GLRX3: variants seen among roughly 807,000 people sequenced by gnomAD.
GLRX3 encodes the protein glutaredoxin-3.
In GLRX3, 22 loss-of-function variants were observed where a neutral mutation model predicts 49.5. The ratio of observed to expected loss-of-function variants is 0.44; its 90% CI spans 0.32 to 0.63. The LOEUF is 0.63. GLRX3 is among the 30% of genes least tolerant of loss of function. GLRX3 has a pLI of 0.05. For missense variants in GLRX3, 385 were observed against 396.3 expected, an observed-to-expected ratio of 0.97 and a Z score of 0.24; for synonymous variants, 133 against 140.0, an observed-to-expected ratio of 0.95 and a Z score of 0.35.
At position 130,160,073 on chromosome 10, in the gene GLRX3, A is replaced by AG. The variant is rs764088598; in HGVS notation, c.276+6dup. On this transcript the variant is annotated splice_donor_region_variant and intron_variant, in intron 3 of 10. Transcript: ENST00000331244. ...TCCCACTTTTCTGTTTTTCAAGGTA[A>AG]GGATAAAGGTGGTACAAGAGATTAT... 9.6e-6 allele frequency: 15 copies of AG among 1,561,610 alleles called. No homozygotes were observed. In the African/African-American group the frequency reaches 2.0e-4, roughly 21 times the overall value.
At chr10:130,156,966 T>C (rs1590064743) in intron 2 of GLRX3, among the ~76,000 whole-genome samples, 1 of 152,314 alleles carries the variant, frequency 6.6e-6, no homozygotes, top group African/African-American at 2.4e-5. Context: ...AACCATAGTA[T>C]AGTGAAAAAA....
rs111482769 is a variant in GLRX3 at position 130,173,982 on chromosome 10, A to G, written c.825-885A>G. Among the ~76,000 whole-genome samples, 24 of 152,270 alleles carry G rather than the reference A, an allele frequency of 1.6e-4. 2 individuals carry two copies. The highest frequency in any genetic ancestry group is 5.5e-4 in the African/African-American group (23 of 41,542). On this transcript the variant is annotated intron_variant, in intron 8 of 10. Coordinates refer to ENST00000331244, the MANE Select transcript of GLRX3 (RefSeq NM_006541.5). Reference sequence around the variant, plus strand: ...TTCTTTGGCCACCTTTGGGAATTGCACCTGTACCCTCAGGCACCCTGCAAG... The same window carrying G: ...TTCTTTGGCCACCTTTGGGAATTGCGCCTGTACCCTCAGGCACCCTGCAAG...
At chr10:130,140,573 G>C (rs903439309) in intron 1 of GLRX3, among the ~76,000 whole-genome samples, 4 of 152,064 alleles carry the variant, frequency 2.6e-5, no homozygotes, top group African/African-American at 9.7e-5. Flanking sequence ...CCAGAGTGTT[G>C]GTTATTGCTG....
intron 1 of GLRX3, among the ~76,000 whole-genome samples, chr10:130,137,201 C>G (rs1010763576): frequency 6.6e-6 from 1 of 152,194 alleles, no homozygotes; most frequent in African/African-American, 2.4e-5. Flanking sequence ...AGAGTCTGTT[C>G]AGATTTGGCG....
chr10:130,137,680 A>T (rs10829691), intron 1 of GLRX3, among the ~76,000 whole-genome samples: 2,314 of 152,104 alleles, frequency 0.015, 27 homozygotes, highest in Non-Finnish European at 0.022. Context: ...AGATGTTGGC[A>T]CTTAGTATTT....
intron 10 of GLRX3, among the ~76,000 whole-genome samples, chr10:130,176,387 T>A (rs1177624808): frequency 1.3e-5 from 2 of 152,196 alleles, no homozygotes; most frequent in Non-Finnish European, 2.9e-5. Flanking sequence ...CCCAAAGTGC[T>A]GGGATTACAG....
intron 1 of GLRX3, among the ~76,000 whole-genome samples, chr10:130,138,821 C>T (rs553071188): frequency 2.1e-5 from 3 of 145,912 alleles, no homozygotes; most frequent in Non-Finnish European, 4.5e-5. Context: ...TTAAAAAGTC[C>T]TTAAACTATC....
Position 130,136,417 on chromosome 10 carries a change from C to T in GLRX3, c.-4C>T, listed in dbSNP as rs950893135. The T allele has an allele frequency of 4.8e-6, 6 of 1,253,086 alleles. No homozygotes were observed. The highest frequency in any genetic ancestry group is 8.3e-5 in the Admixed American group (2 of 24,094). 77.6% of individuals were successfully genotyped at this position (1,253,086 alleles called of 1,614,324 possible). ...CTGGATTGCTTCTGTCTGGCGGCGG[C>T]AGCATGGCGGCGGGGGCGGCTGAGG... On this transcript the variant is annotated 5_prime_UTR_variant, in exon 1 of 11. Transcript: ENST00000331244.
chr10:130,170,782 GC>G, intron 7 of GLRX3, among the ~76,000 whole-genome samples: 1 of 152,142 alleles, frequency 6.6e-6, no homozygotes, highest in South Asian at 2.1e-4. Flanking sequence ...GAGTCCTGTG[GC>G]ATGAAAAAAG....
At chr10:130,162,573 G>T (rs1269206162) in intron 4 of GLRX3, among the ~76,000 whole-genome samples, 3 of 152,214 alleles carry the variant, frequency 2.0e-5, no homozygotes, top group African/African-American at 7.2e-5. Flanking sequence ...CCTTCATTCA[G>T]ATCTCAGGTA....
chr10:130,172,834 C>T (rs1862838584), intron 8 of GLRX3, among the ~76,000 whole-genome samples: 1 of 152,100 alleles, frequency 6.6e-6, no homozygotes, highest in Non-Finnish European at 1.5e-5. Context: ...CCCAGCCACT[C>T]AGGAGGCTGA....
chr10:130,137,323 A>C (rs1018248011), intron 1 of GLRX3, among the ~76,000 whole-genome samples: 1 of 152,224 alleles, frequency 6.6e-6, no homozygotes, highest in African/African-American at 2.4e-5. Flanking sequence ...CATGCTTACG[A>C]GTAAATGCTT....
At chr10:130,166,388 G>T in intron 4 of GLRX3, 119 bp from the exon 5 acceptor site, 1 of 656,814 alleles carries the variant, frequency 1.5e-6, no homozygotes, top group Non-Finnish European at 2.6e-6. Flanking sequence ...TAAATCACCA[G>T]CAAAATAAGG....
At position 130,179,410 on chromosome 10, in the gene GLRX3, G is replaced by T; in HGVS notation, c.*18G>T. ...AAAATTAATAAATCTTAAACTTGGTGCCCAACTATTGTAAGAAATATTTAA... is the reference window on the plus strand; with the variant it reads ...AAAATTAATAAATCTTAAACTTGGTTCCCAACTATTGTAAGAAATATTTAA... On this transcript the variant is annotated 3_prime_UTR_variant, in exon 11 of 11. Transcript: ENST00000331244. 1 of 1,357,382 alleles carries T rather than the reference G, an allele frequency of 7.4e-7. No individual in the cohort carries two copies. The highest frequency in any genetic ancestry group is 1.0e-6 in the Non-Finnish European group (1 of 962,774). The allele number at this position is 1,357,382 out of a possible 1,614,324, so 84.1% of individuals were successfully genotyped here.
In GLRX3 at chr10:130,149,564, A is replaced by C. The variant is rs117044981; in HGVS notation, c.201+4245A>C. 5.1e-3 allele frequency among the ~76,000 whole-genome samples: 778 copies of C among 152,240 alleles called. 3 individuals are homozygous for C. The highest frequency in any genetic ancestry group is 8.9e-3 in the Non-Finnish European group (604 of 68,010). ...AATTACATAGTCAGTATCTTCTCTC[A>C]TACTGATTCTTGTTTGTATCTTTAC... On this transcript the variant is annotated intron_variant, in intron 2 of 10. Transcript: ENST00000331244.
intron 4 of GLRX3, among the ~76,000 whole-genome samples, chr10:130,161,515 C>T (rs1355701101): frequency 6.6e-6 from 1 of 152,198 alleles, no homozygotes; most frequent in Non-Finnish European, 1.5e-5. Flanking sequence ...TAATGATTCT[C>T]TTCCTGCATT....
intron 4 of GLRX3, among the ~76,000 whole-genome samples, chr10:130,165,924 G>A (rs34029122): frequency 0.21 from 32,120 of 152,176 alleles, 3,484 homozygotes; most frequent in Middle Eastern, 0.29. Flanking sequence ...AGTGCTGAGC[G>A]GAGGCCACCC....
chr10:130,155,826 C>T lies in GLRX3; in HGVS notation c.202-4169C>T, dbSNP rs752774418. On this transcript the variant is annotated intron_variant, in intron 2 of 10. Coordinates refer to ENST00000331244, the MANE Select transcript of GLRX3 (RefSeq NM_006541.5). Reference sequence around the variant, plus strand: ...ACTCAGAACCAAGGCTGGCACATGCCGGTGTTCAGGGGCTGCCAGAGATGA... The same window carrying T: ...ACTCAGAACCAAGGCTGGCACATGCTGGTGTTCAGGGGCTGCCAGAGATGA... Among the ~76,000 whole-genome samples the T allele has an allele frequency of 7.2e-5, 11 of 152,116 alleles. 1 individual carries two copies. The highest frequency in any genetic ancestry group is 4.1e-4 in the South Asian group (2 of 4,826).
chr10:130,175,425 T>C (rs1862897939), intron 10 of GLRX3, among the ~76,000 whole-genome samples: 1 of 152,222 alleles, frequency 6.6e-6, no homozygotes, highest in Admixed American at 6.5e-5. Context: ...CATCTGCCCT[T>C]GGGTGCATGG....
Sources: allele counts gnomAD v4.1 joint callset (sites outside exome capture counted in the v4.1 genomes callset), GRCh38; gene constraint gnomAD v4.1.1; transcripts MANE v1.5; gene names NCBI Gene and HGNC (gene_info 2026-07-23, HGNC 2026-07-21).